Variants in GSN observed in about 807,000 individuals in gnomAD.
GSN encodes gelsolin.
Under a neutral mutation model 85.7 loss-of-function variants are expected in GSN, and 56 were observed. That is an observed-to-expected ratio of 0.65 (90% confidence interval 0.53 to 0.82). The LOEUF is 0.82. GSN is among the 40% of genes least tolerant of loss of function. The pLI, the probability that GSN is intolerant of heterozygous loss-of-function variation, is 0.00. For synonymous variants in GSN, 373 were observed against 399.1 expected (o/e 0.93, Z 0.78); for missense variants, 857 against 979.8 (o/e 0.87, Z 1.67).
chr9:121,238,774 T>A (rs2054545786), intron 5 of GSN: 1 of 502,650 alleles, frequency 2.0e-6, no homozygotes, highest in Non-Finnish European at 4.0e-6. Flanking sequence ...AAAATAAAGT[T>A]CCTCTCAAAC....
chr9:121,237,428 A>C (rs1301901187), intron 5 of GSN, among the ~76,000 whole-genome samples: 1 of 152,150 alleles, frequency 6.6e-6, no homozygotes, highest in Middle Eastern at 3.2e-3. Flanking sequence ...ACTGCATGTG[A>C]GTAGCACATG....
intron 10 of GSN, among the ~76,000 whole-genome samples, chr9:121,319,487 CTT>C (rs754579668): frequency 9.9e-5 from 14 of 140,998 alleles, no homozygotes; most frequent in Non-Finnish European, 9.3e-5. Context: ...TATGCTTTAT[CTT>C]TTTTTTTTTT....
rs1477954441 is a variant in GSN at position 121,314,039 on chromosome 9, A to T, written c.753+16A>T. ...GCTCTACAAGGTGAGCACCAGATGC[A>T]CTGTCTGCCTGGGCATGGGGTCAGG... is the stretch of plus-strand genomic sequence containing the variant. On this transcript the variant is annotated intron_variant, in intron 7 of 17. Transcript: ENST00000432226. 6.3e-7 allele frequency: 1 copy of T among 1,593,300 alleles called. No homozygotes were observed. The highest frequency in any genetic ancestry group is 8.6e-7 in the Non-Finnish European group (1 of 1,161,010).
upstream of GSN, among the ~76,000 whole-genome samples, chr9:121,207,294 C>G (rs148854311): frequency 7.9e-5 from 12 of 152,252 alleles, no homozygotes; most frequent in East Asian, 2.3e-3. Flanking sequence ...ATTCACAGCA[C>G]AGCAAGCAGC....
At chr9:121,306,449 C>T (rs2060431539) in intron 4 of GSN, among the ~76,000 whole-genome samples, 2 of 152,298 alleles carry the variant, frequency 1.3e-5, no homozygotes, top group Admixed American at 6.5e-5. Context: ...TCAAACATTA[C>T]AGAAATATAG....
chr9:121,263,454 A>G (rs989260630), upstream of GSN, among the ~76,000 whole-genome samples: 1 of 152,198 alleles, frequency 6.6e-6, no homozygotes, highest in Non-Finnish European at 1.5e-5. Flanking sequence ...TTTATGAAGG[A>G]AAGAGGTTTA....
chr9:121,217,220 G>C (rs1185421666), intron 4 of GSN, among the ~76,000 whole-genome samples: 2 of 152,018 alleles, frequency 1.3e-5, no homozygotes, highest in African/African-American at 4.8e-5. Flanking sequence ...AAAAAAATTA[G>C]CTGGGTGTGG....
At chr9:121,324,411 C>T (rs1273737181) in intron 11 of GSN, 143 bp from the exon 12 acceptor site, 7 of 669,432 alleles carry the variant, frequency 1.0e-5, no homozygotes, top group African/African-American at 1.8e-5. Flanking sequence ...TCCTGGCTCT[C>T]GTTGTTCTGA....
At position 121,329,050 on chromosome 9, in the gene GSN, C is replaced by T. The variant is rs2063585756; in HGVS notation, c.1887+35C>T. On this transcript the variant is annotated intron_variant, in intron 15 of 17. Transcript: ENST00000432226. The surrounding 1 kb of genome is among the most constrained non-coding windows in gnomAD (Gnocchi z 4.6). ...TGCGGAGGTCACACCTCTGCTTTCCCCTCGGGAGGCGAGTTCCACAGGACT... is the reference window on the plus strand; with the variant it reads ...TGCGGAGGTCACACCTCTGCTTTCCTCTCGGGAGGCGAGTTCCACAGGACT... The T allele has an allele frequency of 2.5e-6, 4 of 1,610,806 alleles. No homozygotes were observed. The highest frequency in any genetic ancestry group is 1.7e-5 in the Admixed American group (1 of 59,826).
chr9:121,229,514 C>T (rs1288738196), intron 4 of GSN, among the ~76,000 whole-genome samples: 3 of 152,226 alleles, frequency 2.0e-5, no homozygotes, highest in East Asian at 1.9e-4. Flanking sequence ...CCACCACGCC[C>T]GGCCTCATAA....
chr9:121,282,361 G>A, intron 2 of GSN: 1 of 651,166 alleles, frequency 1.5e-6, no homozygotes, highest in Non-Finnish European at 2.4e-6. Flanking sequence ...CCAAACAGAA[G>A]TGAATTTCTA....
intron 1 of GSN, among the ~76,000 whole-genome samples, chr9:121,273,514 G>A (rs939327567): frequency 3.3e-5 from 5 of 151,782 alleles, no homozygotes; most frequent in South Asian, 2.1e-4. Flanking sequence ...AGAAAATTTA[G>A]GAAATAAAAA....
At chr9:121,323,041 C>T (rs2062685034) in intron 11 of GSN, among the ~76,000 whole-genome samples, 1 of 152,000 alleles carries the variant, frequency 6.6e-6, no homozygotes, top group Non-Finnish European at 1.5e-5. Context: ...TGCCATGTTG[C>T]CCAGGCTGGT....
intron 14 of GSN, among the ~76,000 whole-genome samples, chr9:121,327,928 C>T (rs760995105): frequency 7.3e-5 from 11 of 150,652 alleles, no homozygotes; most frequent in Non-Finnish European, 1.5e-4. Flanking sequence ...GAGCTGAGAT[C>T]ACGCTATTGC....
chr9:121,325,978 AC>A (rs1161585223), intron 12 of GSN, among the ~76,000 whole-genome samples: 1 of 151,798 alleles, frequency 6.6e-6, no homozygotes, highest in Admixed American at 6.6e-5. Flanking sequence ...AGCCGGGGCC[AC>A]GGTAAGGTGC....
chr9:121,319,176 A>G (rs1485952413), intron 10 of GSN, among the ~76,000 whole-genome samples: 6 of 152,200 alleles, frequency 3.9e-5, no homozygotes, highest in Non-Finnish European at 4.4e-5. Flanking sequence ...GTGCAGACAC[A>G]GGAAGCAGTG....
chr9:121,293,612 C>T (rs2058911997), intron 2 of GSN, among the ~76,000 whole-genome samples: 1 of 150,444 alleles, frequency 6.6e-6, no homozygotes, highest in South Asian at 2.1e-4. Flanking sequence ...AGCCAGAAAT[C>T]ACTTGAACCT....
chr9:121,235,273 C>T (rs551624476), intron 5 of GSN, among the ~76,000 whole-genome samples: 2 of 152,216 alleles, frequency 1.3e-5, no homozygotes, highest in Non-Finnish European at 2.9e-5. Context: ...GTGAGCTTGT[C>T]CTTATCCTAA....
In GSN at chr9:121,299,843, C is replaced by A; in HGVS notation, c.-9-2120C>A. 1 of 1,352,250 alleles carries A rather than the reference C, an allele frequency of 7.4e-7. No individual in the cohort carries two copies. Among genetic ancestry groups the A allele is most frequent in the South Asian group, 1.6e-5 (1 of 60,960 alleles). The allele number at this position is 1,352,250 out of a possible 1,614,324, so 83.8% of individuals were successfully genotyped here. ...CGAGGCCGCGGCTGCCGACTGGGTC[C>A]CCTGCCGCTGTCGCCACCATGGCTC... is the stretch of plus-strand genomic sequence containing the variant. On this transcript the variant is annotated intron_variant, in intron 2 of 17. Coordinates refer to ENST00000432226, the MANE Select transcript of GSN (RefSeq NM_198252.3). This position sits in a 1 kb window ranked among gnomAD's most constrained non-coding sequence, Gnocchi z 4.2.
Sources: gnomAD v4.1 joint callset for allele counts (sites outside exome capture counted in the v4.1 genomes callset) on GRCh38, gnomAD v4.1.1 for gene constraint, Gnocchi (gnomAD v3.1) non-coding constraint, MANE v1.5 for transcripts, NCBI Gene and HGNC (gene_info 2026-07-23, HGNC 2026-07-21) for gene names.